The following KCTD2 variants were observed in gnomAD, a reference collection of about 807,000 sequenced individuals.
The protein encoded by KCTD2 is potassium channel tetramerization domain containing 2, also known as BTB/POZ domain-containing protein KCTD2.
KCTD2 carries 18 observed loss-of-function variants against 27.9 expected under a neutral mutation model. That is an observed-to-expected ratio of 0.64 (90% CI 0.45 to 0.96). The LOEUF (loss-of-function observed/expected upper bound fraction) is 0.96. Ranked by LOEUF, KCTD2 falls within the 40% of genes least tolerant of loss-of-function variation. The pLI is 0.00. For synonymous variants in KCTD2, 175 were observed against 148.4 expected (o/e 1.18, Z -1.30); for missense variants, 280 against 348.0 (o/e 0.80, Z 1.56).
At chr17:75,042,371 G>C, upstream of KCTD2, 1 of 1,496,302 alleles carries the variant, frequency 6.7e-7, no homozygotes, top group Non-Finnish European at 9.2e-7. Flanking sequence ...TGGCCTGGAG[G>C]GTCACCACAC....
chr17:75,062,083 T>G (rs1300591915), intron 4 of KCTD2, 37 bp from the exon 5 acceptor site: 1 of 1,612,358 alleles, frequency 6.2e-7, no homozygotes, highest in Non-Finnish European at 8.5e-7. Flanking sequence ...ATGTTAAGAT[T>G]GCCACATGAA....
intron 3 of KCTD2, 67 bp from the exon 4 acceptor site, chr17:75,059,443 C>T: frequency 9.7e-7 from 1 of 1,035,970 alleles, no homozygotes; most frequent in Non-Finnish European, 1.4e-6. Context: ...TTTGAAGAGC[C>T]TCCTTGGGGC....
intron 2 of KCTD2, 95 bp from the exon 3 acceptor site, chr17:75,052,919 G>C: frequency 1.1e-6 from 1 of 877,182 alleles, no homozygotes; most frequent in Non-Finnish European, 1.9e-6. Context: ...AAATAAATAA[G>C]CAGTTTTTAG....
intron 3 of KCTD2, among the ~76,000 whole-genome samples, chr17:75,038,348 G>A (rs1309932511): frequency 6.6e-6 from 1 of 152,092 alleles, no homozygotes; most frequent in Non-Finnish European, 1.5e-5. Flanking sequence ...TCACCATCTT[G>A]GCCAGGCTGG....
At chr17:75,038,660 G>A (rs557815165) in intron 3 of KCTD2, among the ~76,000 whole-genome samples, 11 of 152,264 alleles carry the variant, frequency 7.2e-5, no homozygotes, top group African/African-American at 2.4e-4. Flanking sequence ...GAAATACACT[G>A]CCATAGCCCC....
chr17:75,035,140 C>T (rs946522653), intron 2 of KCTD2: 3 of 152,138 alleles, frequency 2.0e-5, no homozygotes, highest in Non-Finnish European at 4.4e-5. Context: ...GATAAGGCGT[C>T]TGACTTCGGA....
At chr17:75,057,331 G>A (rs1243862745) in intron 3 of KCTD2, among the ~76,000 whole-genome samples, 2 of 152,012 alleles carry the variant, frequency 1.3e-5, no homozygotes, top group African/African-American at 4.8e-5. Flanking sequence ...TACTTTGGAA[G>A]GGAGAAAAAA....
In KCTD2 at chr17:75,047,544, C is replaced by A; in HGVS notation, c.294C>A (p.Leu98=). The change falls in exon 1 of 6, where the codon CTC becomes CTA. Residue 98 remains leucine (L), a synonymous_variant. Transcript: ENST00000322444. ...QTLGREPKSF[L]CRLCCQEDPE... Reference sequence around the variant, plus strand: ...TAGGCCGGGAGCCCAAGTCATTTCTCTGCCGCCTCTGCTGCCAGGAGGACC... The same window carrying A: ...TAGGCCGGGAGCCCAAGTCATTTCTATGCCGCCTCTGCTGCCAGGAGGACC... The A allele has an allele frequency of 6.2e-7, 1 of 1,611,770 alleles. No homozygotes were observed.
chr17:75,035,033 G>C (rs574484496), intron 2 of KCTD2, among the ~76,000 whole-genome samples: 144 of 152,266 alleles, frequency 9.5e-4, no homozygotes, highest in African/African-American at 3.4e-3. Flanking sequence ...GGCGGCCAGG[G>C]TGCGAGCAGT....
intron 4 of KCTD2, chr17:75,060,648 G>A (rs993308254): frequency 2.5e-5 from 39 of 1,542,996 alleles, no homozygotes; most frequent in Admixed American, 4.0e-5. Context: ...GAGTGGGCCC[G>A]GCCAGGGAGG....
intron 3 of KCTD2, among the ~76,000 whole-genome samples, chr17:75,038,232 A>C (rs764117725): frequency 3.3e-5 from 5 of 151,766 alleles, no homozygotes; most frequent in Non-Finnish European, 7.4e-5. Context: ...TCAAGCCTCA[A>C]GCTGAGGCCA....
At chr17:75,060,092 C>T (rs183056674) in intron 4 of KCTD2, among the ~76,000 whole-genome samples, 2 of 152,124 alleles carry the variant, frequency 1.3e-5, no homozygotes, top group African/African-American at 2.4e-5. Flanking sequence ...TACTTCTCTC[C>T]GCCTCGTGCT....
intron 2 of KCTD2, among the ~76,000 whole-genome samples, chr17:75,051,932 G>A (rs2073292856): frequency 6.6e-6 from 1 of 152,092 alleles, no homozygotes; most frequent in South Asian, 2.1e-4. Context: ...TAGCATGCAA[G>A]TCTTTAAATG....
chr17:75,045,537 G>C (rs2073205777), upstream of KCTD2, among the ~76,000 whole-genome samples: 1 of 152,206 alleles, frequency 6.6e-6, no homozygotes, highest in Non-Finnish European at 1.5e-5. Context: ...CCCTAGGTGC[G>C]CATTCTCTTT....
intron 2 of KCTD2, 137 bp from the exon 3 acceptor site, chr17:75,052,875 CAG>C: frequency 3.0e-6 from 2 of 665,650 alleles, no homozygotes; most frequent in Non-Finnish European, 5.3e-6. Flanking sequence ...GCCTGGGCGA[CAG>C]AGTAAGACTC....
chr17:75,038,529 A>G (rs2073126031), intron 3 of KCTD2, among the ~76,000 whole-genome samples: 3 of 152,246 alleles, frequency 2.0e-5, no homozygotes, highest in Non-Finnish European at 2.9e-5. Context: ...AGCCATTTGG[A>G]CCAGCTGTTC....
rs916862349 is a variant in KCTD2, at chr17:75,065,240, C to T, written c.*2193C>T. 4.6e-5 allele frequency: 7 copies of T among 152,218 alleles called. No individual in the cohort carries two copies. Among genetic ancestry groups the T allele is most frequent in the African/African-American group, 4.8e-5 (2 of 41,444 alleles). The allele number at this position is 152,218 out of a possible 1,614,324, so 9.4% of individuals were successfully genotyped here. Reference sequence around the variant, plus strand: ...CTGGTGTTCACCAAGTTTCCCTCCTCGCTGCAACCCAATGACACCTGTATT... The same window carrying T: ...CTGGTGTTCACCAAGTTTCCCTCCTTGCTGCAACCCAATGACACCTGTATT... On this transcript the variant is annotated 3_prime_UTR_variant, in exon 6 of 6. Coordinates refer to ENST00000322444, the MANE Select transcript of KCTD2 (RefSeq NM_015353.3).
Position 75,063,808 on chromosome 17 carries a change from T to TCAGA in KCTD2, c.*764_*767dup, listed in dbSNP as rs71361645. On this transcript the variant is annotated 3_prime_UTR_variant, in exon 6 of 6. Coordinates refer to ENST00000322444, the MANE Select transcript of KCTD2 (RefSeq NM_015353.3). ...GAGACAGGCGGCATCCTGCACTGAG[T>TCAGA]CAGACAAGTGGGAGCTGTAGGAACT... The TCAGA allele has an allele frequency of 0.15, 22,108 of 152,432 alleles. 2,517 individuals carry two copies. Among genetic ancestry groups the TCAGA allele is most frequent in the East Asian group, 0.62 (3,167 of 5,128 alleles). 9.4% of individuals were successfully genotyped at this position (152,432 alleles called of 1,614,324 possible).
At chr17:75,052,132 A>G (rs1437077827) in intron 2 of KCTD2, among the ~76,000 whole-genome samples, 3 of 152,196 alleles carry the variant, frequency 2.0e-5, no homozygotes, top group South Asian at 2.1e-4. Context: ...CCTGCAGCTA[A>G]TGGGCAGGTG....
Sources: gnomAD v4.1 joint callset for allele counts (sites outside exome capture counted in the v4.1 genomes callset) on GRCh38, gnomAD v4.1.1 for gene constraint, MANE v1.5 for transcripts, NCBI Gene and HGNC (gene_info 2026-07-23, HGNC 2026-07-21) for gene names.